The following TACC3 variants were observed in gnomAD, a reference collection of about 807,000 sequenced individuals.
TACC3 encodes the protein transforming acidic coiled-coil-containing protein 3.
Under a neutral mutation model 86.0 loss-of-function variants are expected in TACC3, and 52 were observed. That is an observed-to-expected ratio of 0.60 (90% confidence interval 0.48 to 0.76). The LOEUF is 0.76. Among genes scored for constraint, TACC3 ranks in the 30% least tolerant of loss-of-function variants. The pLI is 0.00. For missense variants in TACC3, 1,120 were observed against 1,070.4 expected (o/e 1.05, Z -0.65); for synonymous variants, 512 against 430.0 (o/e 1.19, Z -2.36).
At position 1,737,625 on chromosome 4, in the gene TACC3, G is replaced by C. The variant is rs754513840; in HGVS notation, c.1864G>C (p.Ala622Pro). The C allele has an allele frequency of 6.5e-7, 1 of 1,528,506 alleles. No individual in the cohort carries two copies. The highest frequency in any genetic ancestry group is 8.8e-7 in the Non-Finnish European group (1 of 1,134,238). The allele number at this position is 1,528,506 out of a possible 1,614,324, so 94.7% of individuals were successfully genotyped here. Residue 622 changes from alanine to proline, a missense_variant, in exon 10 of 16, where the codon GCG becomes CCG. Coordinates refer to ENST00000313288, the MANE Select transcript of TACC3 (RefSeq NM_006342.3). The stretch of plus-strand genomic sequence containing the variant: ...GCCAGGCCCACCCCCAGGTGTTCCC[G>C]CGCCTGGGGGCCCACCCCTGTCCAC... The part of the protein sequence containing the change: ...PVPGPPPGVP[A>P]PGGPPLSTGP...
chr4:1,734,929 T>C (rs966849510), intron 6 of TACC3, among the ~76,000 whole-genome samples: 2 of 152,262 alleles, frequency 1.3e-5, no homozygotes, highest in African/African-American at 2.4e-5. Flanking sequence ...TCAAAAGTTA[T>C]ATTATCAAAA....
chr4:1,737,313 A>C lies in TACC3; in HGVS notation c.1821A>C (p.Gly607=), dbSNP rs751119901. The C allele has an allele frequency of 2.6e-5, 42 of 1,614,026 alleles. No homozygotes were observed. In the South Asian group the frequency reaches 4.4e-4, roughly 17 times the overall value. Residue 607 remains glycine (G), a synonymous_variant, in exon 9 of 16, where the codon GGA becomes GGC. Coordinates refer to ENST00000313288, the MANE Select transcript of TACC3 (RefSeq NM_006342.3). ...AGCTTGTGGAGTTCGATTTCTTGGG[A>C]GCACTGGACATTCCTGTAAGTCCTT... ...EAKLVEFDFL[G]ALDIPVPGPP...
At position 1,735,262 on chromosome 4, in the gene TACC3, A is replaced by G. The variant is rs944344269; in HGVS notation, c.1592-11A>G. On this transcript the variant is annotated splice_polypyrimidine_tract_variant and intron_variant, in intron 6 of 15. Transcript: ENST00000313288. This position sits in a 1 kb window ranked among gnomAD's most constrained non-coding sequence, Gnocchi z 4.2. The stretch of plus-strand genomic sequence containing the variant: ...AGGGGCGATGGCGGCGGCATGATTC[A>G]CTCCTCTCAGTTCTAGGCACGGGCG... 6 of 1,613,398 alleles carry G rather than the reference A, an allele frequency of 3.7e-6. No individual in the cohort carries two copies. Among genetic ancestry groups the G allele is most frequent in the East Asian group, 2.2e-5 (1 of 44,880 alleles).
At position 1,727,930 on chromosome 4, in the gene TACC3, C is replaced by T; in HGVS notation, c.528C>T (p.Gly176=). The T allele has an allele frequency of 3.1e-6, 5 of 1,613,936 alleles. No individual in the cohort carries two copies. Among genetic ancestry groups the T allele is most frequent in the Non-Finnish European group, 4.2e-6 (5 of 1,180,028 alleles). The change falls in exon 4 of 16, where the codon GGC becomes GGT. Residue 176 remains glycine, a synonymous_variant. Coordinates refer to ENST00000313288, the MANE Select transcript of TACC3 (RefSeq NM_006342.3). ...TGGTGTCTCCAGGAAAAGTGTCTGG[C>T]AGCCCTGAGCAAGCCGTGGAGGAAA... ...NQMVSPGKVS[G]SPEQAVEENL...
chr4:1,727,143 C>T (rs1198352603), intron 3 of TACC3, among the ~76,000 whole-genome samples: 1 of 150,672 alleles, frequency 6.6e-6, no homozygotes. Context: ...AAAAAAAAAA[C>T]ATAAAAATAA....
At chr4:1,732,939 C>G (rs562613720) in intron 6 of TACC3, among the ~76,000 whole-genome samples, 1 of 152,350 alleles carries the variant, frequency 6.6e-6, no homozygotes, top group African/African-American at 2.4e-5. Flanking sequence ...TCTTCCATTT[C>G]TCCTGGATAC....
rs201077172 is a variant in TACC3, at chr4:1,739,808, G to A, written c.2018+30G>A. 2,856 of 695,148 alleles carry A rather than the reference G, an allele frequency of 4.1e-3. 50 individuals carry two copies. The African/African-American group carries it at 0.069, about 17-fold the overall frequency. The allele number at this position is 695,148 out of a possible 1,614,324, so 43.1% of individuals were successfully genotyped here. A position where few individuals can be genotyped will look rare whatever the true frequency, so the allele number is the denominator to read the frequency against. On this transcript the variant is annotated intron_variant, in intron 11 of 15. Coordinates refer to ENST00000313288, the MANE Select transcript of TACC3 (RefSeq NM_006342.3). ...GGAGGCCCCGTCTCCTGTCCTCCCC[G>A]TCCCCATCCCCCTCGCCATCCTTGT...
At position 1,728,080 on chromosome 4, in the gene TACC3, G is replaced by A. The variant is rs755983263; in HGVS notation, c.678G>A (p.Ala226=). The A allele has an allele frequency of 1.4e-5, 22 of 1,578,868 alleles. No individual in the cohort carries two copies. Among genetic ancestry groups the A allele is most frequent in the East Asian group, 1.1e-4 (5 of 43,920 alleles). ...ACGGAGCCGAGGAAGAATGCAAAGC[G>A]GAGACTCCGCACGGAGCCGAGGAGG... The part of the protein sequence containing the change: ...TPHGAEEECK[A]ETPHGAEEEC... Residue 226 remains alanine (A), a synonymous_variant, in exon 4 of 16, where the codon GCG becomes GCA. Transcript: ENST00000313288.
intron 4 of TACC3, chr4:1,730,682 G>C: frequency 1.4e-6 from 1 of 712,498 alleles, no homozygotes; most frequent in Non-Finnish European, 2.6e-6. Context: ...CAGGCAAGGC[G>C]CGTGTTTTCC....
At chr4:1,744,323 G>A in intron 13 of TACC3, 195 bp from the exon 14 acceptor site, 3 of 591,300 alleles carry the variant, frequency 5.1e-6, no homozygotes, top group Non-Finnish European at 3.0e-6. Flanking sequence ...TGGAGAGCCA[G>A]GGCTGTCCTG....
In TACC3 at chr4:1,744,698, C is replaced by G; in HGVS notation, c.2331-14C>G. On this transcript the variant is annotated splice_polypyrimidine_tract_variant and intron_variant, in intron 14 of 15. Transcript: ENST00000313288. ...GGCCCCAGCTCAGCCTCTGCCCCGCCCCTACCCCTCCAGGGCAAACGAGGA... is the reference window on the plus strand; with the variant it reads ...GGCCCCAGCTCAGCCTCTGCCCCGCGCCTACCCCTCCAGGGCAAACGAGGA... 6.2e-7 allele frequency: 1 copy of G among 1,612,446 alleles called. No homozygotes were observed. Among genetic ancestry groups the G allele is most frequent in the Non-Finnish European group, 8.5e-7 (1 of 1,179,878 alleles).
upstream of TACC3, chr4:1,720,738 G>A (rs1317202007): frequency 3.2e-6 from 5 of 1,573,374 alleles, no homozygotes; most frequent in South Asian, 1.2e-5. This position sits in a 1 kb window ranked among gnomAD's most constrained non-coding sequence, Gnocchi z 4.4. Flanking sequence ...AGCAGGTTCT[G>A]CACCGTGAGC....
At chr4:1,740,721 TCTC>T (rs1340204483) in intron 12 of TACC3, 102 bp from the exon 13 acceptor site, 7 of 1,027,218 alleles carry the variant, frequency 6.8e-6, no homozygotes, top group African/African-American at 4.8e-5. Flanking sequence ...ACTGCCCACC[TCTC>T]CTCCTGGCGC....
intron 15 of TACC3, 31 bp downstream of exon 15, chr4:1,744,863 G>C (rs374813744): frequency 1.4e-5 from 23 of 1,612,756 alleles, no homozygotes; most frequent in Non-Finnish European, 1.9e-5. Context: ...TCAAGGGGCC[G>C]TCTGGCAGCA....
At chr4:1,737,874 G>T (rs780567520) in intron 10 of TACC3, 172 bp downstream of exon 10, 1 of 717,984 alleles carries the variant, frequency 1.4e-6, no homozygotes, top group African/African-American at 1.7e-5. Context: ...TACTGCCCAG[G>T]TCGCTGAGGG....
Position 1,740,891 on chromosome 4 carries a change from C to T in TACC3, c.2128C>T (p.Gln710Ter). The T allele has an allele frequency of 6.2e-7, 1 of 1,613,034 alleles. No individual in the cohort carries two copies. Among genetic ancestry groups the T allele is most frequent in the Non-Finnish European group, 8.5e-7 (1 of 1,179,662 alleles). Reference sequence around the variant, plus strand: ...CCAGAAAGTTCTAAAAGAAAAAGACCAACTTACCACAGATCTGAACTCCAT... The same window carrying T: ...CCAGAAAGTTCTAAAAGAAAAAGACTAACTTACCACAGATCTGAACTCCAT... ...EIQKVLKEKD[Q>*]LTTDLNSMEK... Residue 710 changes from glutamine (Q) to a stop codon, truncating the protein, a stop_gained, in exon 13 of 16, where the codon CAA becomes TAA. Coordinates refer to ENST00000313288, the MANE Select transcript of TACC3 (RefSeq NM_006342.3). LOFTEE classifies it high-confidence loss of function.
At chr4:1,730,842 T>A in intron 4 of TACC3, 45 bp from the exon 5 acceptor site, 2 of 1,590,602 alleles carry the variant, frequency 1.3e-6, no homozygotes, top group Admixed American at 1.7e-5. Flanking sequence ...GACGCCGGGG[T>A]TATGGGGTGG....
upstream of TACC3, chr4:1,720,802 A>T: frequency 6.3e-7 from 1 of 1,595,282 alleles, no homozygotes; most frequent in Non-Finnish European, 8.5e-7. This position sits in a 1 kb window ranked among gnomAD's most constrained non-coding sequence, Gnocchi z 4.4. Context: ...CGAACACCAG[A>T]TAGGCGAGAG....
At position 1,737,581 on chromosome 4, in the gene TACC3, A is replaced by C. The variant is rs1238568652; in HGVS notation, c.1837-17A>C. ...CAAGGGCGAAATGGGTTCCTGTTTC[A>C]TCCCCATCTCCCGCAGGTGCCAGGC... On this transcript the variant is annotated splice_polypyrimidine_tract_variant and intron_variant, in intron 9 of 15. Coordinates refer to ENST00000313288, the MANE Select transcript of TACC3 (RefSeq NM_006342.3). 1 of 1,488,862 alleles carries C rather than the reference A, an allele frequency of 6.7e-7. No individual in the cohort carries two copies. The highest frequency in any genetic ancestry group is 1.4e-5 in the African/African-American group (1 of 71,438). The allele number at this position is 1,488,862 out of a possible 1,614,324, so 92.2% of individuals were successfully genotyped here. A position where few individuals can be genotyped will look rare whatever the true frequency, so the allele number is the denominator to read the frequency against.
Sources: allele counts gnomAD v4.1 joint callset (sites outside exome capture counted in the v4.1 genomes callset), GRCh38; gene constraint gnomAD v4.1.1; non-coding constraint Gnocchi (gnomAD v3.1); transcripts MANE v1.5; gene names NCBI Gene and HGNC (gene_info 2026-07-23, HGNC 2026-07-21).